PUDP: variants seen among roughly 807,000 people sequenced by gnomAD.
The protein encoded by PUDP is pseudouridine-5'-phosphatase.
Under a neutral mutation model 9.4 loss-of-function variants are expected in PUDP, and 8 were observed. The observed-to-expected ratio is 0.85, with a 90% CI of 0.50 to 1.53. PUDP has a LOEUF of 1.53. Among genes scored for constraint, PUDP ranks in the 40% most tolerant of loss-of-function variants. The probability of loss-of-function intolerance (pLI) is 0.00; values close to 1 mark genes in which losing one functional copy is unlikely to be tolerated. For missense variants in PUDP, 188 were observed against 189.7 expected, an observed-to-expected ratio of 0.99 and a Z score of 0.05; for synonymous variants, 99 against 80.7, an observed-to-expected ratio of 1.23 and a Z score of -1.22.
chrX:7,037,221 G>T (rs192213133), intron 1 of PUDP, among the ~76,000 whole-genome samples: 1 of 111,735 alleles, frequency 8.9e-6, no homozygotes, highest in Admixed American at 9.5e-5. Context: ...GCTGGACTTG[G>T]CCTGTGGGTT....
chrX:7,040,266 T>C (rs1330982599), intron 1 of PUDP, among the ~76,000 whole-genome samples: 5 of 111,493 alleles, frequency 4.5e-5, no homozygotes, highest in Non-Finnish European at 7.5e-5. Context: ...CACCCTCATA[T>C]GCAGACCCTC....
chrX:6,880,727 C>A (rs1357939280), intron 3 of PUDP, among the ~76,000 whole-genome samples: 1 of 111,556 alleles, frequency 9.0e-6, no homozygotes, highest in Non-Finnish European at 1.9e-5. Flanking sequence ...AAATAATGAG[C>A]CTTACAGAGA....
At chrX:6,886,070 C>T (rs888418871) in intron 3 of PUDP, among the ~76,000 whole-genome samples, 3 of 112,155 alleles carry the variant, frequency 2.7e-5, no homozygotes, top group African/African-American at 9.7e-5. Flanking sequence ...TCACGGTTCC[C>T]TGGCCATCTG....
At chrX:6,803,776 G>A (rs967621373) in intron 3 of PUDP, among the ~76,000 whole-genome samples, 17 of 112,052 alleles carry the variant, frequency 1.5e-4, no homozygotes, top group Non-Finnish European at 5.6e-5. Context: ...GGGCCAGGGT[G>A]TGTGAAACTC....
intron 3 of PUDP, among the ~76,000 whole-genome samples, chrX:6,904,554 C>T (rs1927740261): frequency 9.0e-6 from 1 of 111,318 alleles, no homozygotes; most frequent in African/African-American, 3.3e-5. Context: ...GTCTCCACCA[C>T]CAGGCTCAGA....
chrX:7,092,297 C>T (rs1417215099), intron 2 of PUDP, among the ~76,000 whole-genome samples: 1 of 112,905 alleles, frequency 8.9e-6, no homozygotes, highest in African/African-American at 3.2e-5. Flanking sequence ...TTAAATAACT[C>T]ACATCAAAAA....
intron 1 of PUDP, among the ~76,000 whole-genome samples, chrX:7,134,283 G>A (rs753815818): frequency 1.8e-5 from 2 of 112,211 alleles, no homozygotes; most frequent in African/African-American, 6.5e-5. Flanking sequence ...GTCAGCTGGT[G>A]AGAGTTTCAG....
upstream of PUDP, among the ~76,000 whole-genome samples, chrX:6,723,596 T>C (rs1739130125): frequency 9.2e-6 from 1 of 108,843 alleles, no homozygotes; most frequent in Admixed American, 1.0e-4. Context: ...CTCAGGAGAC[T>C]AAGGCAAGAG....
intron 2 of PUDP, among the ~76,000 whole-genome samples, chrX:7,093,964 C>CTGGGCATG (rs1931495195): frequency 9.1e-6 from 1 of 110,373 alleles, no homozygotes; most frequent in Non-Finnish European, 1.9e-5. Context: ...AAATAATTAG[C>CTGGGCATG]TGGGCATGGT....
intron 2 of PUDP, among the ~76,000 whole-genome samples, chrX:6,977,887 G>A (rs780669523): frequency 1.8e-5 from 2 of 112,484 alleles, no homozygotes; most frequent in Admixed American, 9.4e-5. Flanking sequence ...ATATGGACTT[G>A]CCAGGAAGAT....
At chrX:6,802,897 ATAACATAACATAAC>A (rs1925960493) in intron 3 of PUDP, among the ~76,000 whole-genome samples, 12 of 24,061 alleles carry the variant, frequency 5.0e-4, no homozygotes, top group Non-Finnish European at 8.3e-4. Context: ...CAAAAATAAC[ATAACATAACATAAC>A]ATAACATAAC....
At chrX:6,867,674 A>ATGG (rs1569113680) in intron 3 of PUDP, among the ~76,000 whole-genome samples, 2 of 109,689 alleles carry the variant, frequency 1.8e-5, no homozygotes, top group Admixed American at 1.9e-4. Flanking sequence ...AGTGGTCATA[A>ATGG]TGGTGGTGGT....
chrX:6,758,921 G>A (rs887853845), intron 3 of PUDP, among the ~76,000 whole-genome samples: 2 of 111,942 alleles, frequency 1.8e-5, no homozygotes, highest in South Asian at 7.5e-4. Context: ...ATGATTACTG[G>A]CCAAGTGGCA....
intron 3 of PUDP, among the ~76,000 whole-genome samples, chrX:6,886,940 T>C (rs1301951380): frequency 9.2e-6 from 1 of 108,826 alleles, no homozygotes; most frequent in Non-Finnish European, 1.9e-5. Context: ...CTTAGTTTCT[T>C]AAAAGTGGCA....
intron 3 of PUDP, among the ~76,000 whole-genome samples, chrX:6,947,005 T>G (rs1486846395): frequency 2.5e-4 from 27 of 109,283 alleles, no homozygotes; most frequent in South Asian, 3.9e-4. Flanking sequence ...TTGTTTGTTT[T>G]TTTTTTTTTA....
At chrX:6,806,814 T>C (rs1926057869) in intron 3 of PUDP, among the ~76,000 whole-genome samples, 1 of 112,612 alleles carries the variant, frequency 8.9e-6, no homozygotes, top group African/African-American at 3.2e-5. Context: ...GGAATTATGG[T>C]TGGCAATAGT....
intron 1 of PUDP, among the ~76,000 whole-genome samples, chrX:7,039,126 T>C (rs770658410): frequency 1.8e-5 from 2 of 110,525 alleles, no homozygotes; most frequent in South Asian, 7.9e-4. Flanking sequence ...TGATTGGGTC[T>C]CCCTATGTTG....
chrX:6,927,888 G>A (rs1477027232), intron 3 of PUDP, among the ~76,000 whole-genome samples: 1 of 110,089 alleles, frequency 9.1e-6, no homozygotes, highest in Non-Finnish European at 1.9e-5. Flanking sequence ...AGATTAACTT[G>A]TAAAGAGTTC....
intron 3 of PUDP, among the ~76,000 whole-genome samples, chrX:6,737,029 G>A (rs778199006): frequency 9.0e-6 from 1 of 111,531 alleles, no homozygotes; most frequent in African/African-American, 3.3e-5. Flanking sequence ...AGAGGAGGCA[G>A]AGAGACATCT....
Sources: allele counts gnomAD v4.1 joint callset (sites outside exome capture counted in the v4.1 genomes callset), GRCh38; gene constraint gnomAD v4.1.1; transcripts MANE v1.5; gene names NCBI Gene and HGNC (gene_info 2026-07-23, HGNC 2026-07-21).